FCHO1: variants seen among roughly 807,000 people sequenced by gnomAD.
FCHO1 encodes the protein F-BAR domain only protein 1.
Under a neutral mutation model 114.4 loss-of-function variants are expected in FCHO1, and 45 were observed. That is an observed-to-expected ratio of 0.39 (90% CI 0.31 to 0.50). The LOEUF (loss-of-function observed/expected upper bound fraction) is 0.50, where lower values mean the gene tolerates loss of function less well. Among genes scored for constraint, FCHO1 ranks in the 20% least tolerant of loss-of-function variants. The probability of loss-of-function intolerance (pLI) is 0.77; values close to 1 mark genes in which losing one functional copy is unlikely to be tolerated. For synonymous variants in FCHO1, 480 were observed against 488.9 expected, an observed-to-expected ratio of 0.98 and a Z score of 0.24; for missense variants, 1,042 against 1,209.6, an observed-to-expected ratio of 0.86 and a Z score of 2.06.
At chr19:17,782,796 G>A (rs2093545445) in intron 23 of FCHO1, among the ~76,000 whole-genome samples, 2 of 152,126 alleles carry the variant, frequency 1.3e-5, no homozygotes, top group Admixed American at 1.3e-4. Flanking sequence ...GAGAACTAGG[G>A]ATGGAGATGT....
intron 1 of FCHO1, chr19:17,752,185 T>C (rs1015623807): frequency 1.3e-5 from 2 of 152,220 alleles, no homozygotes; most frequent in African/African-American, 4.8e-5. Flanking sequence ...CTACTGAGCC[T>C]TGGAAGAGAG....
In FCHO1 at chr19:17,772,873, G is replaced by A. The variant is rs2091938225; in HGVS notation, c.790+132G>A. 4.6e-6 allele frequency: 3 copies of A among 657,310 alleles called. No homozygotes were observed. The South Asian group carries it at 5.7e-5, about 12-fold the overall frequency. 40.7% of individuals were successfully genotyped at this position (657,310 alleles called of 1,614,324 possible). Reference sequence around the variant, plus strand: ...AGACGAGGTTTCACCATGTTGGCCAGGCTGGTCTCGAACTCTTGACCTCAG... The same window carrying A: ...AGACGAGGTTTCACCATGTTGGCCAAGCTGGTCTCGAACTCTTGACCTCAG... On this transcript the variant is annotated intron_variant, in intron 11 of 28. Coordinates refer to ENST00000596536, the MANE Select transcript of FCHO1 (RefSeq NM_015122.3).
chr19:17,757,915 C>CAAAAAAAA (rs71162192), intron 4 of FCHO1, among the ~76,000 whole-genome samples: 1 of 77,920 alleles, frequency 1.3e-5, no homozygotes. Flanking sequence ...GACCCTGTCT[C>CAAAAAAAA]AAAAAAAAAA....
At chr19:17,749,472 G>A (rs1414937609), upstream of FCHO1, among the ~76,000 whole-genome samples, 1 of 152,122 alleles carries the variant, frequency 6.6e-6, no homozygotes, top group African/African-American at 2.4e-5. Context: ...GGGAGGGGAA[G>A]GGGGAGTCTA....
chr19:17,774,516 A>C lies in FCHO1; in HGVS notation c.920+38A>C, dbSNP rs2287857. 0.44 allele frequency: 682,143 copies of C among 1,561,320 alleles called. 155,246 individuals are homozygous for C. The highest frequency in any genetic ancestry group is 0.77 in the East Asian group (34,228 of 44,496). ...CCCTGCCCGGTCTGGCCCAGGCTAG[A>C]CCGAGATCCCCTCCCCTGCCCAGGC... On this transcript the variant is annotated intron_variant, in intron 13 of 28. Coordinates refer to ENST00000596536, the MANE Select transcript of FCHO1 (RefSeq NM_015122.3).
intron 9 of FCHO1, 113 bp from the exon 10 acceptor site, chr19:17,772,344 A>T: frequency 1.3e-6 from 1 of 786,528 alleles, no homozygotes; most frequent in South Asian, 1.5e-5. Context: ...CCCTTCCCCA[A>T]ATCAATCACT....
Position 17,776,606 on chromosome 19 carries a change from G to A in FCHO1, c.1208-29G>A, listed in dbSNP as rs1236348322. On this transcript the variant is annotated intron_variant, in intron 17 of 28. Transcript: ENST00000596536. This position sits in a 1 kb window ranked among gnomAD's most constrained non-coding sequence, Gnocchi z 4.4. The stretch of plus-strand genomic sequence containing the variant: ...GGGAGCATTGCAGGCAGGGTGACAA[G>A]AAGGCTGAAGGAGGTGCATCTCTTG... 1 of 1,613,708 alleles carries A rather than the reference G, an allele frequency of 6.2e-7. No homozygotes were observed. The highest frequency in any genetic ancestry group is 1.3e-5 in the African/African-American group (1 of 75,028).
upstream of FCHO1, among the ~76,000 whole-genome samples, chr19:17,750,751 C>A (rs2081694215): frequency 6.6e-6 from 1 of 151,996 alleles, no homozygotes; most frequent in South Asian, 2.1e-4. Flanking sequence ...CAGCCACCAC[C>A]TAAAATATAA....
At chr19:17,770,062 G>A (rs1008158948) in intron 7 of FCHO1, among the ~76,000 whole-genome samples, 1 of 152,108 alleles carries the variant, frequency 6.6e-6, no homozygotes, top group African/African-American at 2.4e-5. Context: ...CACTTTGGGA[G>A]GCCAAGGTGG....
At chr19:17,782,615 G>A (rs535268356) in intron 23 of FCHO1, among the ~76,000 whole-genome samples, 9 of 152,326 alleles carry the variant, frequency 5.9e-5, no homozygotes, top group South Asian at 2.1e-4. Flanking sequence ...GGGTAAGGGC[G>A]TGGGTTAGGG....
chr19:17,776,086 A>G lies in FCHO1; in HGVS notation c.1107A>G (p.Pro369=), dbSNP rs147794365. The part of the protein sequence containing the change: ...VHIKPAPARA[P]ACSPEAAAAQ... ...TCAAGCCTGCCCCGGCCCGGGCTCC[A>G]GCCTGCAGCCCCGAGGCAGCAGCGG... is the stretch of plus-strand genomic sequence containing the variant. The change falls in exon 16 of 29, where the codon CCA becomes CCG. Residue 369 remains proline (P), a synonymous_variant. Coordinates refer to ENST00000596536, the MANE Select transcript of FCHO1 (RefSeq NM_015122.3). The surrounding 1 kb of genome is among the most constrained non-coding windows in gnomAD (Gnocchi z 4.4). 310 of 1,612,282 alleles carry G rather than the reference A, an allele frequency of 1.9e-4. 1 individual carries two copies. In the African/African-American group the frequency reaches 3.6e-3, roughly 19 times the overall value.
chr19:17,782,322 C>T (rs2093497938), intron 23 of FCHO1, among the ~76,000 whole-genome samples: 1 of 152,158 alleles, frequency 6.6e-6, no homozygotes, highest in Admixed American at 6.5e-5. Context: ...CCTGCCTCAG[C>T]CTCCCGAGTA....
At chr19:17,762,655 C>G (rs1337652205) in intron 4 of FCHO1, 107 bp from the exon 5 acceptor site, 1 of 827,144 alleles carries the variant, frequency 1.2e-6, no homozygotes, top group Non-Finnish European at 2.2e-6. Flanking sequence ...CCGAACAAGT[C>G]CCTACAGCCA....
intron 27 of FCHO1, among the ~76,000 whole-genome samples, chr19:17,786,859 A>T (rs994450654): frequency 3.3e-5 from 5 of 151,866 alleles, no homozygotes; most frequent in Non-Finnish European, 7.4e-5. Context: ...TGGAGGCTGC[A>T]GTGACCCGTG....
intron 4 of FCHO1, among the ~76,000 whole-genome samples, chr19:17,757,576 G>C (rs1599557446): frequency 6.6e-6 from 1 of 152,166 alleles, no homozygotes; most frequent in African/African-American, 2.4e-5. Context: ...GTACGTATAA[G>C]GAGATTGGAC....
rs754783938 is a variant in FCHO1 at position 17,784,099 on chromosome 19, G to T, written c.2094-4G>T. On this transcript the variant is annotated splice_region_variant and splice_polypyrimidine_tract_variant and intron_variant, in intron 24 of 28. Coordinates refer to ENST00000596536, the MANE Select transcript of FCHO1 (RefSeq NM_015122.3). This position sits in a 1 kb window ranked among gnomAD's most constrained non-coding sequence, Gnocchi z 5.3. ...ATTGGGGTGATCAGTCCGGGTCTCT[G>T]CAGTGACCCCTCCCAGAGTGACCCT... 22 of 1,613,830 alleles carry T rather than the reference G, an allele frequency of 1.4e-5. No individual in the cohort carries two copies. In the East Asian group the frequency reaches 4.9e-4, roughly 36 times the overall value.
In FCHO1 at chr19:17,775,840, T is replaced by A. The variant is rs1055551315; in HGVS notation, c.1004-143T>A. 4.3e-6 allele frequency: 4 copies of A among 931,430 alleles called. No individual in the cohort carries two copies. Among genetic ancestry groups the A allele is most frequent in the Non-Finnish European group, 6.4e-6 (4 of 626,488 alleles). The allele number at this position is 931,430 out of a possible 1,614,324, so 57.7% of individuals were successfully genotyped here. A position where few individuals can be genotyped will look rare whatever the true frequency, so the allele number is the denominator to read the frequency against. ...GTGGGAGTGCTGGTGGGACATGGTG[T>A]CAGGACTGAAGGTGGCGCGTGGTGA... On this transcript the variant is annotated intron_variant, in intron 15 of 28. Transcript: ENST00000596536. The surrounding 1 kb of genome is among the most constrained non-coding windows in gnomAD (Gnocchi z 5.1).
chr19:17,776,684 C>G lies in FCHO1; in HGVS notation c.1257C>G (p.Ser419Arg). ...GACCTCGGTCTGCCCCCAGAACCAG[C>G]AGGTGGGTTCCACACGAGTGGGCAG... ...PQRPRSAPRT[S>R]SCAERLQSEE... Residue 419 changes from serine (S) to arginine (R), a missense_variant and splice_region_variant, in exon 18 of 29, where the codon AGC (serine) becomes AGG (arginine). By Grantham distance (110) the Ser-to-Arg change is moderately radical. Around this residue, in one of 3 missense-constraint regions of FCHO1, gnomAD observed 455 missense variants for 455.4 expected, o/e 1.00. Coordinates refer to ENST00000596536, the MANE Select transcript of FCHO1 (RefSeq NM_015122.3). This position sits in a 1 kb window ranked among gnomAD's most constrained non-coding sequence, Gnocchi z 4.4. The G allele has an allele frequency of 6.2e-7, 1 of 1,613,664 alleles. No homozygotes were observed. The highest frequency in any genetic ancestry group is 1.7e-4 in the Middle Eastern group (1 of 6,056).
At chr19:17,781,117 G>T (rs1335230094) in intron 20 of FCHO1, 114 bp from the exon 21 acceptor site, 2 of 710,466 alleles carry the variant, frequency 2.8e-6, no homozygotes, top group East Asian at 2.5e-5. Flanking sequence ...AGACCCATTG[G>T]GGGTCTCTGC....
Sources: gnomAD v4.1 joint callset for allele counts (sites outside exome capture counted in the v4.1 genomes callset) on GRCh38, gnomAD v4.1.1 for gene constraint, gnomAD v4.1.1 regional missense constraint, Gnocchi (gnomAD v3.1) non-coding constraint, MANE v1.5 for transcripts, NCBI Gene and HGNC (gene_info 2026-07-23, HGNC 2026-07-21) for gene names.